Variants in FHIT observed in about 807,000 individuals in gnomAD.
The protein encoded by FHIT is bis(5'-adenosyl)-triphosphatase.
Under a neutral mutation model 17.9 loss-of-function variants are expected in FHIT, and 19 were observed. The observed-to-expected ratio is 1.06, with a 90% confidence interval of 0.74 to 1.56. The LOEUF is 1.56. Among genes scored for constraint, FHIT ranks in the 40% most tolerant of loss-of-function variants. The pLI, the probability that FHIT is intolerant of heterozygous loss-of-function variation, is 0.00. For synonymous variants in FHIT, 81 were observed against 69.7 expected (o/e 1.16, Z -0.81); for missense variants, 248 against 189.2 (o/e 1.31, Z -1.82).
intron 8 of FHIT, among the ~76,000 whole-genome samples, chr3:59,791,202 A>G (rs1440436286): frequency 1.3e-5 from 2 of 152,162 alleles, no homozygotes; most frequent in Non-Finnish European, 2.9e-5. Flanking sequence ...CATAATCCAG[A>G]TCTGGCCTCT....
At chr3:60,306,383 A>G (rs1293219275) in intron 5 of FHIT, among the ~76,000 whole-genome samples, 1 of 152,194 alleles carries the variant, frequency 6.6e-6, no homozygotes, top group Non-Finnish European at 1.5e-5. Flanking sequence ...TAAAAGAGAA[A>G]ACAAATTTGC....
intron 8 of FHIT, among the ~76,000 whole-genome samples, chr3:59,800,086 CT>C (rs1559617157): frequency 2.6e-5 from 4 of 152,222 alleles, no homozygotes; most frequent in African/African-American, 9.6e-5. Context: ...GCTTTGCATT[CT>C]TTTCTGTTAC....
intron 3 of FHIT, among the ~76,000 whole-genome samples, chr3:60,842,962 C>A (rs543985278): frequency 6.6e-6 from 1 of 152,010 alleles, no homozygotes; most frequent in African/African-American, 2.4e-5. Flanking sequence ...GTCAAATCTA[C>A]CAGGCATCTT....
intron 5 of FHIT, among the ~76,000 whole-genome samples, chr3:60,224,275 C>G (rs1704090117): frequency 6.6e-6 from 1 of 152,166 alleles, no homozygotes. Context: ...TAAAGACCCA[C>G]TACCCACTAT....
intron 5 of FHIT, among the ~76,000 whole-genome samples, chr3:60,062,582 C>A (rs1324035099): frequency 6.6e-6 from 1 of 152,172 alleles, no homozygotes; most frequent in Admixed American, 6.6e-5. Context: ...CCAAAGATCA[C>A]GATCTTTCTT....
Position 60,748,747 on chromosome 3 carries a change from G to A in FHIT, c.-18+73172C>T, listed in dbSNP as rs191031236. On this transcript the variant is annotated intron_variant, in intron 4 of 9. Coordinates refer to ENST00000492590, the MANE Select transcript of FHIT (RefSeq NM_002012.4). ...GAAATGCTTGAACCCGAGAGGCAGAGGTTGCAGTGAGCCTAGATTGAGCCA... is the reference window on the plus strand; with the variant it reads ...GAAATGCTTGAACCCGAGAGGCAGAAGTTGCAGTGAGCCTAGATTGAGCCA... Among the ~76,000 whole-genome samples, 1,148 of 152,238 alleles carry A rather than the reference G, an allele frequency of 7.5e-3. 15 individuals are homozygous for A. Among genetic ancestry groups the A allele is most frequent in the African/African-American group, 0.026 (1,080 of 41,526 alleles).
intron 3 of FHIT, among the ~76,000 whole-genome samples, chr3:61,014,897 T>C (rs1204441137): frequency 1.4e-5 from 2 of 146,260 alleles, no homozygotes; most frequent in Non-Finnish European, 3.0e-5. Context: ...TATACATACA[T>C]CCATATACAT....
At chr3:60,507,261 A>G (rs1417686250) in intron 5 of FHIT, among the ~76,000 whole-genome samples, 1 of 150,398 alleles carries the variant, frequency 6.6e-6, no homozygotes, top group Non-Finnish European at 1.5e-5. Context: ...CAAGAGAGAA[A>G]CAACATGCAA....
At chr3:60,374,816 T>C (rs1170356613) in intron 5 of FHIT, among the ~76,000 whole-genome samples, 1 of 152,164 alleles carries the variant, frequency 6.6e-6, no homozygotes, top group Non-Finnish European at 1.5e-5. Flanking sequence ...CTGTGTGTTT[T>C]TTAAAAAGTC....
intron 5 of FHIT, among the ~76,000 whole-genome samples, chr3:60,528,024 A>G (rs2035638443): frequency 6.6e-6 from 1 of 152,252 alleles, no homozygotes; most frequent in South Asian, 2.1e-4. Context: ...CCCAGGCTAG[A>G]GTGCAGAGGT....
intron 5 of FHIT, among the ~76,000 whole-genome samples, chr3:60,353,703 A>G (rs191662312): frequency 7.2e-4 from 109 of 152,300 alleles, no homozygotes; most frequent in Non-Finnish European, 1.3e-3. Flanking sequence ...AACTCTTTAG[A>G]AATGATACAG....
chr3:60,069,123 A>G (rs17062052), intron 5 of FHIT, among the ~76,000 whole-genome samples: 1 of 132,500 alleles, frequency 7.5e-6, no homozygotes, highest in African/African-American at 3.3e-5. Flanking sequence ...TCAAATCTAG[A>G]TAATGTACAT....
intron 3 of FHIT, among the ~76,000 whole-genome samples, chr3:61,014,807 A>AAAAAATATATATAT (rs1553798839): frequency 2.0e-5 from 1 of 49,116 alleles, no homozygotes; most frequent in African/African-American, 5.4e-5. Context: ...AAAAAAAAAA[A>AAAAAATATATATAT]ATATATATAT....
At chr3:60,418,374 G>GTATA (rs1559897091) in intron 5 of FHIT, among the ~76,000 whole-genome samples, 2 of 2,360 alleles carry the variant, frequency 8.5e-4, no homozygotes, top group African/African-American at 5.2e-4. Flanking sequence ...ATCTGAATGT[G>GTATA]TGTATATATA....
At chr3:61,188,979 C>A (rs4688337) in intron 2 of FHIT, among the ~76,000 whole-genome samples, 33,072 of 150,924 alleles carry the variant, frequency 0.22, 4,700 homozygotes, top group East Asian at 0.71. Context: ...CAATATCATA[C>A]TGAATGGGCA....
intron 3 of FHIT, among the ~76,000 whole-genome samples, chr3:60,897,534 C>G (rs1300364712): frequency 6.6e-6 from 1 of 152,082 alleles, no homozygotes; most frequent in Non-Finnish European, 1.5e-5. Flanking sequence ...TGTGAAAAAC[C>G]TTTCCTTGTG....
At chr3:60,199,029 G>T (rs1055981252) in intron 5 of FHIT, among the ~76,000 whole-genome samples, 5 of 152,166 alleles carry the variant, frequency 3.3e-5, no homozygotes, top group African/African-American at 1.2e-4. Context: ...TTCTAAAGGA[G>T]TTGTCAGAGG....
intron 5 of FHIT, among the ~76,000 whole-genome samples, chr3:60,135,263 G>A (rs1016392449): frequency 1.3e-5 from 2 of 152,152 alleles, no homozygotes; most frequent in East Asian, 1.9e-4. Context: ...GTGGTACAGC[G>A]TCACGTCCTT....
At chr3:61,208,413 G>T (rs1371796211) in intron 1 of FHIT, among the ~76,000 whole-genome samples, 3 of 151,908 alleles carry the variant, frequency 2.0e-5, no homozygotes, top group East Asian at 1.9e-4. Context: ...TGACAGTGGG[G>T]TATTAAAGTC....
Sources: gnomAD v4.1 joint callset for allele counts (sites outside exome capture counted in the v4.1 genomes callset) on GRCh38, gnomAD v4.1.1 for gene constraint, MANE v1.5 for transcripts, NCBI Gene and HGNC (gene_info 2026-07-23, HGNC 2026-07-21) for gene names.